KLHDC1: variants seen among roughly 807,000 people sequenced by gnomAD.
KLHDC1 encodes the protein kelch domain-containing protein 1.
In KLHDC1, 53 loss-of-function variants were observed where a neutral mutation model predicts 68.3. The ratio of observed to expected loss-of-function variants is 0.78; its 90% CI spans 0.62 to 0.98. The LOEUF (loss-of-function observed/expected upper bound fraction) is 0.98. Ranked by LOEUF, KLHDC1 falls within the 50% of genes least tolerant of loss-of-function variation. KLHDC1 has a pLI of 0.00. For missense variants in KLHDC1, 470 were observed against 492.3 expected, an observed-to-expected ratio of 0.95 and a Z score of 0.43; for synonymous variants, 148 against 159.0, an observed-to-expected ratio of 0.93 and a Z score of 0.52.
chr14:49,729,555 T>C lies in KLHDC1; in HGVS notation c.710+7T>C. 1 of 1,584,532 alleles carries C rather than the reference T, an allele frequency of 6.3e-7. No homozygotes were observed. Among genetic ancestry groups the C allele is most frequent in the African/African-American group, 1.3e-5 (1 of 74,372 alleles). On this transcript the variant is annotated splice_region_variant and intron_variant, in intron 8 of 12. Transcript: ENST00000359332. ...CCTGGACTTGGTCTGGAAGGTAAGTTTGAAGTCTAAGTACGTTTTAATCTA... is the reference window on the plus strand; with the variant it reads ...CCTGGACTTGGTCTGGAAGGTAAGTCTGAAGTCTAAGTACGTTTTAATCTA...
chr14:49,723,997 G>T (rs762881540), intron 5 of KLHDC1, 45 bp downstream of exon 5: 17 of 1,066,404 alleles, frequency 1.6e-5, no homozygotes, highest in Non-Finnish European at 2.2e-5. Context: ...AGTCAGTATA[G>T]CCTTAACATC....
intron 1 of KLHDC1, among the ~76,000 whole-genome samples, chr14:49,693,672 C>T (rs556205399): frequency 2.6e-5 from 4 of 151,722 alleles, no homozygotes; most frequent in Middle Eastern, 3.4e-3. Context: ...TATATATTTC[C>T]TTATTCCCAC....
chr14:49,712,230 A>G (rs1425022475), intron 4 of KLHDC1, among the ~76,000 whole-genome samples: 2 of 151,924 alleles, frequency 1.3e-5, no homozygotes, highest in African/African-American at 4.8e-5. Context: ...TATGTCTTCC[A>G]TATATATAGT....
intron 1 of KLHDC1, among the ~76,000 whole-genome samples, chr14:49,697,178 G>A (rs185993334): frequency 0.021 from 3,219 of 152,214 alleles, 52 homozygotes; most frequent in South Asian, 0.033. Context: ...CTCGTGATCC[G>A]CCCGCCTCGG....
At chr14:49,749,155 C>G (rs1392712808) in intron 12 of KLHDC1, among the ~76,000 whole-genome samples, 1 of 151,936 alleles carries the variant, frequency 6.6e-6, no homozygotes, top group Non-Finnish European at 1.5e-5. Context: ...ACCCTATATA[C>G]ATGATTTTAA....
chr14:49,693,425 C>T (rs981979988), intron 1 of KLHDC1, 135 bp downstream of exon 1: 14 of 456,182 alleles, frequency 3.1e-5, no homozygotes, highest in Non-Finnish European at 4.6e-5. Flanking sequence ...CCCCCAGCCC[C>T]TCCGCTGGCC....
chr14:49,727,043 G>C (rs572512605), intron 6 of KLHDC1, among the ~76,000 whole-genome samples: 2 of 151,222 alleles, frequency 1.3e-5, no homozygotes, highest in East Asian at 3.9e-4. Context: ...TCAGAAGTTC[G>C]AGACCAACCT....
intron 1 of KLHDC1, 84 bp downstream of exon 1, chr14:49,693,374 C>T (rs560984189): frequency 7.0e-5 from 73 of 1,041,110 alleles, no homozygotes; most frequent in Non-Finnish European, 9.2e-5. Context: ...CACCCGCTCC[C>T]GAGGCTGCGG....
At chr14:49,709,270 T>A (rs773059471) in intron 2 of KLHDC1, 41 bp downstream of exon 2, 1 of 845,184 alleles carries the variant, frequency 1.2e-6, no homozygotes, top group South Asian at 1.6e-5. Context: ...TCTTAATATC[T>A]ATTATAAATG....
At chr14:49,726,372 A>G (rs191563212) in intron 6 of KLHDC1, among the ~76,000 whole-genome samples, 3 of 152,304 alleles carry the variant, frequency 2.0e-5, no homozygotes, top group Non-Finnish European at 2.9e-5. Flanking sequence ...ACTGCATTCT[A>G]GCCTGGGCAA....
At chr14:49,700,310 T>A (rs556179692) in intron 1 of KLHDC1, 1 of 163,188 alleles carries the variant, frequency 6.1e-6, no homozygotes, top group East Asian at 1.9e-4. Flanking sequence ...AGGCTGGGTG[T>A]GGTGGCTCAG....
At chr14:49,694,263 G>A (rs117986507) in intron 1 of KLHDC1, among the ~76,000 whole-genome samples, 1 of 152,168 alleles carries the variant, frequency 6.6e-6, no homozygotes, top group East Asian at 1.9e-4. Context: ...TGGAAAACAG[G>A]AATACTATAT....
At chr14:49,742,702 G>T (rs894534856) in intron 11 of KLHDC1, among the ~76,000 whole-genome samples, 2 of 150,734 alleles carry the variant, frequency 1.3e-5, no homozygotes, top group Admixed American at 6.6e-5. Flanking sequence ...GAGAATTCCC[G>T]GGGAATCTTG....
chr14:49,710,981 C>T (rs1888182237), intron 4 of KLHDC1, among the ~76,000 whole-genome samples: 1 of 149,964 alleles, frequency 6.7e-6, no homozygotes, highest in African/African-American at 2.4e-5. Context: ...TATTTCTTTC[C>T]TAATTTTTTT....
At chr14:49,750,633 A>T (rs979749690) in intron 12 of KLHDC1, among the ~76,000 whole-genome samples, 17 of 152,344 alleles carry the variant, frequency 1.1e-4, no homozygotes, top group African/African-American at 3.8e-4. Flanking sequence ...TGAGTCTGTT[A>T]AAAAAATTTT....
Position 49,693,214 on chromosome 14 carries a change from T to C in KLHDC1, c.20T>C (p.Phe7Ser). Reference protein sequence around the residue: MADSQLFCVAEERSGHC... With the variant: MADSQLSCVAEERSGHC... ...GCGCGAATGGCGGACTCTCAGCTGT[T>C]CTGTGTGGCGGAGGAACGCAGCGGC... Residue 7 changes from phenylalanine to serine, a missense_variant, in exon 1 of 13, where the codon TTC (phenylalanine) becomes TCC (serine). Physicochemically the swap from Phe to Ser is radical, Grantham distance 155. Coordinates refer to ENST00000359332, the MANE Select transcript of KLHDC1 (RefSeq NM_172193.3). 2.5e-6 allele frequency: 4 copies of C among 1,581,046 alleles called. No homozygotes were observed. Among genetic ancestry groups the C allele is most frequent in the Non-Finnish European group, 3.4e-6 (4 of 1,165,392 alleles).
chr14:49,701,733 A>G (rs1887912178), intron 1 of KLHDC1, among the ~76,000 whole-genome samples: 1 of 152,150 alleles, frequency 6.6e-6, no homozygotes, highest in Non-Finnish European at 1.5e-5. Flanking sequence ...ATGGCAAAGG[A>G]GAAAATATTT....
chr14:49,700,581 TAAAAG>T (rs1249609275), intron 1 of KLHDC1, among the ~76,000 whole-genome samples: 3 of 151,802 alleles, frequency 2.0e-5, no homozygotes, highest in Non-Finnish European at 4.4e-5. Context: ...CCCTGTCACT[TAAAAG>T]AAACAAATAT....
chr14:49,719,497 G>C (rs1389130829), intron 4 of KLHDC1, among the ~76,000 whole-genome samples: 5 of 150,744 alleles, frequency 3.3e-5, no homozygotes, highest in Non-Finnish European at 7.4e-5. Context: ...GATGCGATCT[G>C]AGCTCACCAC....
Sources: allele counts gnomAD v4.1 joint callset (sites outside exome capture counted in the v4.1 genomes callset), GRCh38; gene constraint gnomAD v4.1.1; transcripts MANE v1.5; gene names NCBI Gene and HGNC (gene_info 2026-07-23, HGNC 2026-07-21).